The following TCERG1L variants were observed in gnomAD, a reference collection of about 807,000 sequenced individuals.
The protein encoded by TCERG1L is transcription elongation regulator 1 like, also known as transcription elongation regulator 1-like protein.
In TCERG1L, 37 loss-of-function variants were observed where a neutral mutation model predicts 56.3. That is an observed-to-expected ratio of 0.66 (90% CI 0.51 to 0.87). The LOEUF (loss-of-function observed/expected upper bound fraction) is 0.87, where lower values mean the gene tolerates loss of function less well. Ranked by LOEUF, TCERG1L falls within the 40% of genes least tolerant of loss-of-function variation. The pLI, the probability that TCERG1L is intolerant of heterozygous loss-of-function variation, is 0.00. For synonymous variants in TCERG1L, 324 were observed against 326.3 expected (o/e 0.99, Z 0.08); for missense variants, 799 against 774.2 (o/e 1.03, Z -0.38).
chr10:131,193,475 C>T (rs535346173), intron 4 of TCERG1L, among the ~76,000 whole-genome samples: 1 of 152,224 alleles, frequency 6.6e-6, no homozygotes, highest in East Asian at 1.9e-4. Flanking sequence ...TTTATAGTTT[C>T]ATGTGTTATG....
intron 3 of TCERG1L, among the ~76,000 whole-genome samples, chr10:131,266,872 C>A (rs529576428): frequency 2.6e-5 from 4 of 152,252 alleles, no homozygotes; most frequent in South Asian, 4.1e-4. Context: ...ACCTCTCTGT[C>A]CTCTGCTCTG....
At chr10:131,226,633 A>G (rs1845793423) in intron 4 of TCERG1L, among the ~76,000 whole-genome samples, 1 of 152,232 alleles carries the variant, frequency 6.6e-6, no homozygotes, top group African/African-American at 2.4e-5. Context: ...TCGGTGGAGC[A>G]GCTGGCGTGA....
At chr10:131,232,702 C>T (rs557149909) in intron 4 of TCERG1L, among the ~76,000 whole-genome samples, 1 of 152,328 alleles carries the variant, frequency 6.6e-6, no homozygotes, top group Non-Finnish European at 1.5e-5. Flanking sequence ...ATTGAGAGCC[C>T]TTTCCCAAAA....
At chr10:131,119,557 T>C (rs1435435785) in intron 8 of TCERG1L, among the ~76,000 whole-genome samples, 4 of 152,212 alleles carry the variant, frequency 2.6e-5, no homozygotes, top group Non-Finnish European at 5.9e-5. Flanking sequence ...AACAGGCGCA[T>C]TCTGACTGCG....
chr10:131,093,398 G>T, intron 11 of TCERG1L, 80 bp from the exon 12 acceptor site: 1 of 1,530,976 alleles, frequency 6.5e-7, no homozygotes. Context: ...GGCACCGCCT[G>T]AGCAAGCATC....
intron 3 of TCERG1L, among the ~76,000 whole-genome samples, chr10:131,303,226 A>T (rs910154949): frequency 1.6e-4 from 25 of 152,106 alleles, no homozygotes; most frequent in African/African-American, 6.0e-4. Context: ...TGGTTGAACT[A>T]ATTTACACTC....
chr10:131,126,339 C>T (rs1845564860), intron 8 of TCERG1L, among the ~76,000 whole-genome samples: 1 of 152,200 alleles, frequency 6.6e-6, no homozygotes, highest in Non-Finnish European at 1.5e-5. Flanking sequence ...GCCTCCTGGA[C>T]CGTCCACCAT....
At position 131,137,399 on chromosome 10, in the gene TCERG1L, C is replaced by T. The variant is rs1365574234; in HGVS notation, c.1190-2951G>A. Among the ~76,000 whole-genome samples the T allele has an allele frequency of 2.6e-5, 4 of 152,346 alleles. No individual in the cohort carries two copies. In the South Asian group the frequency reaches 8.3e-4, roughly 32 times the overall value. On this transcript the variant is annotated intron_variant, in intron 7 of 11. Coordinates refer to ENST00000368642, the MANE Select transcript of TCERG1L (RefSeq NM_174937.4). ...CACTGGGCCTTCTGGCCGTCTCATT[C>T]GGAGGCACCGGGGCCTCACAGAGGC...
chr10:131,158,543 C>A lies in TCERG1L; in HGVS notation c.1034+4579G>T, dbSNP rs191194479. On this transcript the variant is annotated intron_variant, in intron 6 of 11. Coordinates refer to ENST00000368642, the MANE Select transcript of TCERG1L (RefSeq NM_174937.4). The stretch of plus-strand genomic sequence containing the variant: ...TACATCCTTATCATCCCAATTCCAG[C>A]TGCCCCCAGATGGCTCTGTGATATG... Among the ~76,000 whole-genome samples, 419 of 152,376 alleles carry A rather than the reference C, an allele frequency of 2.7e-3. 3 individuals are homozygous for A. The highest frequency in any genetic ancestry group is 8.9e-3 in the African/African-American group (371 of 41,602).
At chr10:131,154,990 G>A (rs959618089) in intron 6 of TCERG1L, among the ~76,000 whole-genome samples, 3 of 152,338 alleles carry the variant, frequency 2.0e-5, no homozygotes, top group Admixed American at 2.0e-4. Flanking sequence ...GGCGCTGGCG[G>A]CTGCTGCACA....
intron 11 of TCERG1L, among the ~76,000 whole-genome samples, chr10:131,093,620 G>GT (rs1194954741): frequency 1.3e-5 from 2 of 152,062 alleles, no homozygotes; most frequent in Non-Finnish European, 2.9e-5. Flanking sequence ...TCCCCCAGCC[G>GT]CCCCGATCAC....
chr10:131,148,952 A>AT (rs1845833803), intron 6 of TCERG1L, among the ~76,000 whole-genome samples: 1 of 152,152 alleles, frequency 6.6e-6, no homozygotes, highest in Non-Finnish European at 1.5e-5. Flanking sequence ...CCTGAACCCC[A>AT]AGTGTTGTGC....
chr10:131,196,266 C>T (rs943783303), intron 4 of TCERG1L, among the ~76,000 whole-genome samples: 1 of 152,226 alleles, frequency 6.6e-6, no homozygotes, highest in Non-Finnish European at 1.5e-5. Flanking sequence ...AAATATCCTC[C>T]ATCCACCACT....
chr10:131,169,702 A>G (rs1488540793), intron 4 of TCERG1L, among the ~76,000 whole-genome samples: 1 of 152,228 alleles, frequency 6.6e-6, no homozygotes, highest in African/African-American at 2.4e-5. Flanking sequence ...CTATGTTTTC[A>G]ATATGGCAGG....
At chr10:131,141,316 T>A (rs2133410394) in intron 7 of TCERG1L, among the ~76,000 whole-genome samples, 1 of 152,232 alleles carries the variant, frequency 6.6e-6, no homozygotes, top group Admixed American at 6.5e-5. Flanking sequence ...ACCTTCTTCC[T>A]CCTGCCTTAG....
At chr10:131,168,870 C>G (rs1050383040) in intron 4 of TCERG1L, among the ~76,000 whole-genome samples, 2 of 152,228 alleles carry the variant, frequency 1.3e-5, no homozygotes, top group Non-Finnish European at 2.9e-5. Context: ...GACCACAGGG[C>G]TCCCATACAG....
At chr10:131,150,685 A>T (rs556165968) in intron 6 of TCERG1L, among the ~76,000 whole-genome samples, 5 of 152,306 alleles carry the variant, frequency 3.3e-5, no homozygotes, top group Non-Finnish European at 7.3e-5. Flanking sequence ...AGAGTTTAAG[A>T]GAAACAGGAC....
chr10:131,138,164 G>A (rs1018874478), intron 7 of TCERG1L, among the ~76,000 whole-genome samples: 4 of 152,206 alleles, frequency 2.6e-5, no homozygotes, highest in Admixed American at 1.3e-4. Flanking sequence ...AGCTACTCAG[G>A]AGGCTGAGGC....
chr10:131,274,412 C>T (rs928525826), intron 3 of TCERG1L, among the ~76,000 whole-genome samples: 1 of 152,166 alleles, frequency 6.6e-6, no homozygotes, highest in Admixed American at 6.5e-5. Context: ...TGAGATCAGC[C>T]GACGTATGAG....
Sources: gnomAD v4.1 joint callset for allele counts (sites outside exome capture counted in the v4.1 genomes callset) on GRCh38, gnomAD v4.1.1 for gene constraint, MANE v1.5 for transcripts, NCBI Gene and HGNC (gene_info 2026-07-23, HGNC 2026-07-21) for gene names.